Variants in RBFOX1 observed in about 807,000 individuals in gnomAD.
RBFOX1 encodes RNA binding protein fox-1 homolog 1.
RBFOX1 carries 8 observed loss-of-function variants against 57.7 expected under a neutral mutation model. The ratio of observed to expected loss-of-function variants is 0.14; its 90% CI spans 0.08 to 0.25. RBFOX1 has a LOEUF of 0.25. RBFOX1 is among the 10% of genes least tolerant of loss of function. The pLI, the probability that RBFOX1 is intolerant of heterozygous loss-of-function variation, is 1.00. For missense variants in RBFOX1, 611 were observed against 548.5 expected (o/e 1.11, Z -1.14); for synonymous variants, 326 against 222.4 (o/e 1.47, Z -4.15).
chr16:6,059,165 T>G (rs1341482927), intron 1 of RBFOX1: 1 of 152,242 alleles, frequency 6.6e-6, no homozygotes, highest in African/African-American at 2.4e-5. Flanking sequence ...ATAATTCATC[T>G]GGACTTGGAG....
chr16:6,413,674 G>A (rs184705995), intron 2 of RBFOX1, among the ~76,000 whole-genome samples: 27 of 152,330 alleles, frequency 1.8e-4, no homozygotes, highest in African/African-American at 6.5e-4. Flanking sequence ...GAGCCATTTT[G>A]TTGGAAGAAA....
chr16:5,991,913 T>C (rs1205962522), intron 4 of RBFOX1, among the ~76,000 whole-genome samples: 2 of 152,172 alleles, frequency 1.3e-5, no homozygotes, highest in African/African-American at 4.8e-5. Context: ...CAACCATTCT[T>C]ACCATCACAG....
intron 4 of RBFOX1, among the ~76,000 whole-genome samples, chr16:7,054,494 G>GC (rs933627884): frequency 7.2e-6 from 1 of 138,898 alleles, no homozygotes; most frequent in Non-Finnish European, 1.5e-5. Context: ...GCCAGCCTCG[G>GC]CCCCCCAAGG....
chr16:7,501,606 T>C (rs1410014373), intron 4 of RBFOX1, among the ~76,000 whole-genome samples: 2 of 152,224 alleles, frequency 1.3e-5, no homozygotes, highest in Non-Finnish European at 2.9e-5. Context: ...TGCTTTGTTC[T>C]ACTTTGTTTT....
chr16:5,989,624 T>C (rs1027239463), intron 4 of RBFOX1, among the ~76,000 whole-genome samples: 3 of 152,022 alleles, frequency 2.0e-5, no homozygotes, highest in Admixed American at 6.6e-5. Flanking sequence ...ACCTCTGCCA[T>C]GCTTTTCTGC....
rs369651883 is a variant in RBFOX1 at position 6,107,541 on chromosome 16, C to G, written c.-127+87549C>G. On this transcript the variant is annotated intron_variant, in intron 1 of 15. Transcript: ENST00000550418. The stretch of plus-strand genomic sequence containing the variant: ...TTAATTAAAATGAAGTTAGATATTG[C>G]TTTTCAGACAACATTAGTTCAAGAT... Among the ~76,000 whole-genome samples, 16 of 152,116 alleles carry G rather than the reference C, an allele frequency of 1.1e-4. No individual in the cohort carries two copies. In the East Asian group the frequency reaches 2.3e-3, roughly 22 times the overall value.
intron 2 of RBFOX1, among the ~76,000 whole-genome samples, chr16:6,532,339 G>T (rs778389579): frequency 6.6e-6 from 1 of 152,230 alleles, no homozygotes; most frequent in Admixed American, 6.5e-5. Flanking sequence ...CCTTTTCATA[G>T]AGAAGGTCGA....
chr16:6,168,347 C>G (rs1407127334), intron 1 of RBFOX1, among the ~76,000 whole-genome samples: 1 of 152,096 alleles, frequency 6.6e-6, no homozygotes, highest in Non-Finnish European at 1.5e-5. Context: ...GCTTGTTTTC[C>G]TTTCTCTAGC....
At chr16:5,473,410 C>CT (rs559137063) in intron 2 of RBFOX1, among the ~76,000 whole-genome samples, 1 of 150,532 alleles carries the variant, frequency 6.6e-6, no homozygotes, top group African/African-American at 2.5e-5. Flanking sequence ...GTTTTTTTTT[C>CT]TTTTTTTCTT....
intron 2 of RBFOX1, among the ~76,000 whole-genome samples, chr16:6,510,710 G>C (rs1403665940): frequency 6.6e-6 from 1 of 152,022 alleles, no homozygotes; most frequent in East Asian, 1.9e-4. Flanking sequence ...GGTTGGAGAG[G>C]CTCCAAATCT....
At chr16:6,423,129 T>C (rs1179417584) in intron 2 of RBFOX1, among the ~76,000 whole-genome samples, 4 of 152,212 alleles carry the variant, frequency 2.6e-5, no homozygotes, top group African/African-American at 9.6e-5. Flanking sequence ...TTCATCATTG[T>C]TTTTCCTCCC....
chr16:5,539,388 T>C (rs13333757), intron 2 of RBFOX1, among the ~76,000 whole-genome samples: 47,230 of 151,774 alleles, frequency 0.31, 8,695 homozygotes, highest in East Asian at 0.86. Flanking sequence ...AGGTCCGGAA[T>C]TGGAGACCAG....
chr16:6,903,242 G>A (rs112526029), intron 3 of RBFOX1, among the ~76,000 whole-genome samples: 2 of 152,312 alleles, frequency 1.3e-5, no homozygotes, highest in African/African-American at 4.8e-5. Context: ...GCTATTTAGA[G>A]GCCATTGTAG....
intron 4 of RBFOX1, among the ~76,000 whole-genome samples, chr16:7,495,308 A>G (rs973556222): frequency 2.0e-5 from 3 of 152,170 alleles, no homozygotes; most frequent in South Asian, 2.1e-4. Flanking sequence ...TGAGATAACA[A>G]TTTCTTTTCC....
intron 1 of RBFOX1, among the ~76,000 whole-genome samples, chr16:5,257,194 T>G (rs1298873408): frequency 6.6e-6 from 1 of 151,980 alleles, no homozygotes; most frequent in Non-Finnish European, 1.5e-5. Context: ...AAAACAGCCC[T>G]GACCTAAATA....
intron 1 of RBFOX1, among the ~76,000 whole-genome samples, chr16:6,298,291 T>A (rs1471958200): frequency 2.0e-5 from 3 of 152,204 alleles, no homozygotes; most frequent in African/African-American, 7.2e-5. Flanking sequence ...GCAGTTCTAC[T>A]GCACAGGGTG....
chr16:7,366,351 C>T (rs1281537819), intron 4 of RBFOX1, among the ~76,000 whole-genome samples: 1 of 152,202 alleles, frequency 6.6e-6, no homozygotes, highest in East Asian at 1.9e-4. Context: ...GGCACGGCAC[C>T]TAGAGAGGAA....
rs1452476604 is a variant in RBFOX1 at position 6,564,575 on chromosome 16, G to T, written c.-63-90028G>T. Among the ~76,000 whole-genome samples the T allele has an allele frequency of 3.3e-5, 5 of 152,128 alleles. No homozygotes were observed. The East Asian group carries it at 7.7e-4, about 24-fold the overall frequency. On this transcript the variant is annotated intron_variant, in intron 2 of 15. Transcript: ENST00000550418. Reference sequence around the variant, plus strand: ...ATGACAAATACCGCATGATCTCACTGATATATGGAATCTAAAAAGCTGAAC... The same window carrying T: ...ATGACAAATACCGCATGATCTCACTTATATATGGAATCTAAAAAGCTGAAC...
chr16:5,579,445 A>G (rs2046586397), intron 2 of RBFOX1, among the ~76,000 whole-genome samples: 2 of 151,930 alleles, frequency 1.3e-5, no homozygotes, highest in Non-Finnish European at 2.9e-5. Context: ...CCCCGCATCC[A>G]TGTGTGCACT....
Sources: gnomAD v4.1 joint callset for allele counts (sites outside exome capture counted in the v4.1 genomes callset) on GRCh38, gnomAD v4.1.1 for gene constraint, MANE v1.5 for transcripts, NCBI Gene and HGNC (gene_info 2026-07-23, HGNC 2026-07-21) for gene names.